The following MARCHF7 variants were observed in gnomAD, a reference collection of about 807,000 sequenced individuals.
The protein encoded by MARCHF7 is membrane associated ring-CH-type finger 7.
MARCHF7 carries 20 observed loss-of-function variants against 76.5 expected under a neutral mutation model. The ratio of observed to expected loss-of-function variants is 0.26; its 90% CI spans 0.18 to 0.38. The LOEUF (loss-of-function observed/expected upper bound fraction) is 0.38, where lower values mean the gene tolerates loss of function less well. MARCHF7 is among the 10% of genes least tolerant of loss of function. The pLI, the probability that MARCHF7 is intolerant of heterozygous loss-of-function variation, is 1.00. For missense variants in MARCHF7, 797 were observed against 812.9 expected (o/e 0.98, Z 0.24); for synonymous variants, 295 against 293.0 (o/e 1.01, Z -0.07).
intron 5 of MARCHF7, among the ~76,000 whole-genome samples, chr2:159,744,113 A>C (rs71423028): frequency 0.35 from 50,663 of 146,224 alleles, 8,886 homozygotes; most frequent in South Asian, 0.44. Context: ...TCAGCCTCCC[A>C]AGTAGCTGGG....
In MARCHF7 at chr2:159,738,338, G is replaced by A. The variant is rs370285886; in HGVS notation, c.154-4723G>A. On this transcript the variant is annotated intron_variant, in intron 4 of 11. Transcript: ENST00000409175. ...CTCCCCAAAGGGTCAGAGCTCTTCC[G>A]TCCTTGTCGCCGGCAGCATGGTGAG... 7.7e-4 allele frequency among the ~76,000 whole-genome samples: 117 copies of A among 152,304 alleles called. No homozygotes were observed. In the South Asian group the frequency reaches 0.017, roughly 22 times the overall value.
Position 159,770,635 on chromosome 2 carries a change from G to A in MARCHF7, c.*3293G>A, listed in dbSNP as rs943955312. 4.6e-5 allele frequency: 7 copies of A among 152,138 alleles called. No individual in the cohort carries two copies. The highest frequency in any genetic ancestry group is 1.2e-4 in the African/African-American group (5 of 41,426). The allele number at this position is 152,138 out of a possible 1,614,324, so 9.4% of individuals were successfully genotyped here. On this transcript the variant is annotated 3_prime_UTR_variant, in exon 12 of 12. Transcript: ENST00000409175. ...TTCAGTCAGTAATGGACCACATATA[G>A]AACAGTGTTTCCTTAGTAGACCATA... is the stretch of plus-strand genomic sequence containing the variant.
rs1189893936 is a variant in MARCHF7 at position 159,769,630 on chromosome 2, A to T, written c.*2288A>T. 7.9e-6 allele frequency: 1 copy of T among 126,744 alleles called. No individual in the cohort carries two copies. Among genetic ancestry groups the T allele is most frequent in the East Asian group, 2.2e-4 (1 of 4,646 alleles). 7.9% of individuals were successfully genotyped at this position (126,744 alleles called of 1,614,324 possible). On this transcript the variant is annotated 3_prime_UTR_variant, in exon 12 of 12. Coordinates refer to ENST00000409175, the MANE Select transcript of MARCHF7 (RefSeq NM_001282805.2). ...CACTGCACTGTAGCCTGGGCAGCACAGTGAGACTCCATCATATATATATAT... is the reference window on the plus strand; with the variant it reads ...CACTGCACTGTAGCCTGGGCAGCACTGTGAGACTCCATCATATATATATAT...
intron 4 of MARCHF7, among the ~76,000 whole-genome samples, chr2:159,734,427 A>T (rs902349592): frequency 6.6e-6 from 1 of 152,036 alleles, no homozygotes; most frequent in African/African-American, 2.4e-5. Flanking sequence ...TACCTTATGC[A>T]AGTGTAGTTT....
At chr2:159,757,222 A>G (rs1265431996) in intron 8 of MARCHF7, among the ~76,000 whole-genome samples, 3 of 152,158 alleles carry the variant, frequency 2.0e-5, no homozygotes, top group East Asian at 1.9e-4. Flanking sequence ...TAAGGTTATA[A>G]TAAGTGCTTT....
chr2:159,728,802 T>A (rs1344154140), intron 3 of MARCHF7, among the ~76,000 whole-genome samples: 1 of 152,224 alleles, frequency 6.6e-6, no homozygotes, highest in African/African-American at 2.4e-5. Context: ...TTACCATGTT[T>A]GTTTGCTTCC....
chr2:159,738,965 C>T (rs1376185973), intron 4 of MARCHF7, among the ~76,000 whole-genome samples: 1 of 152,220 alleles, frequency 6.6e-6, no homozygotes, highest in Non-Finnish European at 1.5e-5. Context: ...TCCCTTTGTG[C>T]TTGTTGGTGC....
At position 159,764,212 on chromosome 2, in the gene MARCHF7, TTGTGTGTGTGTGTGTGTGTG is replaced by T. The variant is rs377705664; in HGVS notation, c.2008-389_2008-370del. Among the ~76,000 whole-genome samples, 13 of 138,644 alleles carry T rather than the reference TTGTGTGTGTGTGTGTGTGTG, an allele frequency of 9.4e-5. No individual in the cohort carries two copies. In the South Asian group the frequency reaches 2.9e-3, roughly 30 times the overall value. The allele number at this position is 138,644 out of a possible 152,430, so 91.0% of individuals were successfully genotyped here. A position where few individuals can be genotyped will look rare whatever the true frequency, so the allele number is the denominator to read the frequency against. On this transcript the variant is annotated intron_variant, in intron 10 of 11. Transcript: ENST00000409175. The stretch of plus-strand genomic sequence containing the variant: ...AGGAAAATATTGGTTCTTGGGAGTT[TTGTGTGTGTGTGTGTGTGTG>T]TGTGTGTGTGTGTGTGTGTGTGTGC...
intron 7 of MARCHF7, among the ~76,000 whole-genome samples, chr2:159,751,555 C>T (rs950575898): frequency 5.3e-5 from 8 of 152,188 alleles, no homozygotes; most frequent in African/African-American, 1.9e-4. Flanking sequence ...ATATCCATCT[C>T]TTTTCACAAA....
intron 3 of MARCHF7, among the ~76,000 whole-genome samples, chr2:159,723,433 G>A (rs1701841181): frequency 6.6e-6 from 1 of 152,132 alleles, no homozygotes; most frequent in Non-Finnish European, 1.5e-5. Flanking sequence ...GGACTGTTCT[G>A]GGCAAGTGGG....
At chr2:159,733,309 C>A in intron 4 of MARCHF7, 1 of 593,268 alleles carries the variant, frequency 1.7e-6, no homozygotes, top group Non-Finnish European at 2.1e-6. Context: ...ACAATCTCAG[C>A]TCACTGAAGC....
chr2:159,732,704 A>T (rs893423764), intron 4 of MARCHF7: 3 of 300,308 alleles, frequency 1.0e-5, no homozygotes, highest in African/African-American at 2.3e-5. Context: ...TTTTTAAAAA[A>T]TTTTTCTTAT....
chr2:159,749,743 GGGC>G (rs1338900886), intron 7 of MARCHF7, among the ~76,000 whole-genome samples: 29 of 149,570 alleles, frequency 1.9e-4, no homozygotes, highest in Non-Finnish European at 3.8e-4. Context: ...GGGGCGGGGG[GGGC>G]GGTTGTGAAT....
At position 159,749,018 on chromosome 2, in the gene MARCHF7, A is replaced by T. The variant is rs1454039255; in HGVS notation, c.1613+115A>T. ...TTTTGAGACGGAGTCTCAGTCTGTC[A>T]CCCAGGCTGGAGTGTAATGGCACCA... On this transcript the variant is annotated intron_variant, in intron 7 of 11. Transcript: ENST00000409175. The T allele has an allele frequency of 9.4e-6, 11 of 1,174,356 alleles. No homozygotes were observed. The African/African-American group carries it at 2.1e-4, about 22-fold the overall frequency. The allele number at this position is 1,174,356 out of a possible 1,614,324, so 72.7% of individuals were successfully genotyped here.
At chr2:159,759,493 GAATTTCAT>G (rs1706741647) in intron 9 of MARCHF7, 158 bp downstream of exon 9, 1 of 373,224 alleles carries the variant, frequency 2.7e-6, no homozygotes, top group Non-Finnish European at 4.7e-6. Flanking sequence ...TTAGGTGTTA[GAATTTCAT>G]AATTTTTTTT....
intron 6 of MARCHF7, among the ~76,000 whole-genome samples, chr2:159,746,487 C>T (rs552819502): frequency 2.0e-5 from 3 of 152,340 alleles, no homozygotes; most frequent in Middle Eastern, 3.4e-3. Context: ...CTGCAGCCTT[C>T]GCCTCCTGGG....
At chr2:159,756,715 CA>C (rs938364883) in intron 8 of MARCHF7, among the ~76,000 whole-genome samples, 3 of 87,014 alleles carry the variant, frequency 3.4e-5, no homozygotes, top group Non-Finnish European at 6.6e-5. Flanking sequence ...AAAAAAAAAA[CA>C]GATGATTCAG....
At chr2:159,763,195 T>C (rs1009826243) in intron 10 of MARCHF7, among the ~76,000 whole-genome samples, 59 of 152,208 alleles carry the variant, frequency 3.9e-4, no homozygotes, top group African/African-American at 1.3e-3. Context: ...CATAAAGTTA[T>C]TTTAGAGAAA....
intron 5 of MARCHF7, among the ~76,000 whole-genome samples, chr2:159,744,640 C>T (rs1704622527): frequency 6.6e-6 from 1 of 152,182 alleles, no homozygotes; most frequent in Admixed American, 6.5e-5. Flanking sequence ...TTTTGATAAG[C>T]TGGAATGCCA....
Sources: gnomAD v4.1 joint callset for allele counts (sites outside exome capture counted in the v4.1 genomes callset) on GRCh38, gnomAD v4.1.1 for gene constraint, MANE v1.5 for transcripts, NCBI Gene and HGNC (gene_info 2026-07-23, HGNC 2026-07-21) for gene names.